The following RGS6 variants were observed in gnomAD, a reference collection of about 807,000 sequenced individuals.
RGS6 encodes regulator of G protein signaling 6, also known as regulator of G-protein signaling 6.
In RGS6, 30 loss-of-function variants were observed where a neutral mutation model predicts 78.5. The ratio of observed to expected loss-of-function variants is 0.38; its 90% CI spans 0.29 to 0.52. The LOEUF (loss-of-function observed/expected upper bound fraction) is 0.52, where lower values mean the gene tolerates loss of function less well. RGS6 is among the 20% of genes least tolerant of loss of function. RGS6 has a pLI of 0.85. For missense variants in RGS6, 495 were observed against 609.7 expected (o/e 0.81, Z 1.98); for synonymous variants, 206 against 206.0 (o/e 1.00, Z 0.00).
the RGS6 span, among the ~76,000 whole-genome samples, chr14:72,626,363 C>A: frequency 1.3e-5 from 2 of 152,114 alleles, no homozygotes; most frequent in Admixed American, 6.5e-5. Context: ...TCTTATATTT[C>A]TTTTACACAA....
intron 15 of RGS6, among the ~76,000 whole-genome samples, chr14:72,522,436 C>A (rs1440214025): frequency 8.5e-5 from 13 of 152,208 alleles, no homozygotes; most frequent in Non-Finnish European, 2.9e-5. Context: ...GATCCTGTAA[C>A]CTGCCTTTTA....
intron 2 of RGS6, among the ~76,000 whole-genome samples, chr14:72,062,283 A>T (rs1169077962): frequency 6.6e-6 from 1 of 152,232 alleles, no homozygotes. Context: ...CAAAGAGACC[A>T]GTGTGGCTGG....
intron 3 of RGS6, among the ~76,000 whole-genome samples, chr14:72,436,292 G>A (rs2094911300): frequency 6.6e-6 from 1 of 151,752 alleles, no homozygotes; most frequent in Non-Finnish European, 1.5e-5. Flanking sequence ...CATACAGCTG[G>A]ACCTAATCTC....
intron 1 of RGS6, among the ~76,000 whole-genome samples, chr14:71,951,178 C>T (rs1448056487): frequency 6.6e-6 from 1 of 152,010 alleles, no homozygotes; most frequent in Non-Finnish European, 1.5e-5. Context: ...CAATAATAGA[C>T]TGGATAAAGA....
chr14:72,524,700 A>G (rs745839657), intron 15 of RGS6, among the ~76,000 whole-genome samples: 1 of 152,208 alleles, frequency 6.6e-6, no homozygotes, highest in Non-Finnish European at 1.5e-5. Flanking sequence ...TGCAGAGGGA[A>G]ATAACATGAG....
chr14:72,247,196 G>A (rs2054450459), intron 2 of RGS6, among the ~76,000 whole-genome samples: 2 of 152,146 alleles, frequency 1.3e-5, no homozygotes, highest in Admixed American at 1.3e-4. Context: ...AGCAAGTGAT[G>A]GTATGCCAGC....
At chr14:72,029,886 G>A (rs1009875062) in intron 2 of RGS6, among the ~76,000 whole-genome samples, 1 of 152,120 alleles carries the variant, frequency 6.6e-6, no homozygotes, top group Non-Finnish European at 1.5e-5. Context: ...TTAATAAGTA[G>A]TGATGGAATT....
chr14:72,088,342 T>G (rs1484718769), intron 2 of RGS6, among the ~76,000 whole-genome samples: 2 of 152,220 alleles, frequency 1.3e-5, no homozygotes, highest in Non-Finnish European at 2.9e-5. Context: ...TCTGTGTGAC[T>G]GGTTCCTGGA....
At chr14:72,238,109 A>G (rs847273) in intron 2 of RGS6, among the ~76,000 whole-genome samples, 50,615 of 152,002 alleles carry the variant, frequency 0.33, 9,284 homozygotes, top group South Asian at 0.46. Context: ...AAGGTGCTCT[A>G]TCTCTGAAGC....
chr14:71,989,605 T>G (rs2283426), intron 2 of RGS6, among the ~76,000 whole-genome samples: 68,283 of 152,042 alleles, frequency 0.45, 15,720 homozygotes, highest in East Asian at 0.54. Context: ...CTCAACCAGC[T>G]TTTAGTGGCA....
intron 2 of RGS6, among the ~76,000 whole-genome samples, chr14:72,248,663 A>G (rs2054852962): frequency 6.6e-6 from 1 of 152,206 alleles, no homozygotes; most frequent in African/African-American, 2.4e-5. Context: ...ATGTGCTGCA[A>G]CTGAATCCAG....
At chr14:71,968,261 CA>C (rs2093630919) in intron 2 of RGS6, among the ~76,000 whole-genome samples, 1 of 152,112 alleles carries the variant, frequency 6.6e-6, no homozygotes, top group Admixed American at 6.6e-5. Context: ...ACCCCCTCCA[CA>C]AGGTATTTCT....
intron 2 of RGS6, among the ~76,000 whole-genome samples, chr14:72,315,156 C>CG (rs2069771536): frequency 7.2e-3 from 1 of 138 alleles, no homozygotes; most frequent in Non-Finnish European, 0.013. Context: ...TAAATATCAG[C>CG]TGAGAGATTA....
intron 4 of RGS6, among the ~76,000 whole-genome samples, chr14:72,455,152 T>TGG (rs5809573): frequency 1.5e-3 from 223 of 151,632 alleles, no homozygotes; most frequent in East Asian, 3.3e-3. Context: ...AATTAGGAAA[T>TGG]GGGGGGGGTG....
chr14:71,970,311 A>C (rs548384312), intron 2 of RGS6, among the ~76,000 whole-genome samples: 1 of 152,052 alleles, frequency 6.6e-6, no homozygotes, highest in Non-Finnish European at 1.5e-5. Flanking sequence ...GGCTTCCTTC[A>C]CCTATTCATT....
At chr14:72,313,911 T>G (rs1359459001) in intron 2 of RGS6, among the ~76,000 whole-genome samples, 1 of 152,200 alleles carries the variant, frequency 6.6e-6, no homozygotes, top group Non-Finnish European at 1.5e-5. Flanking sequence ...ATCACCTCAT[T>G]TACTTTTCCC....
intron 2 of RGS6, among the ~76,000 whole-genome samples, chr14:72,208,094 C>T (rs760033524): frequency 9.2e-5 from 14 of 152,216 alleles, no homozygotes; most frequent in Non-Finnish European, 1.5e-4. Flanking sequence ...ATCAGTAAAT[C>T]TCATCCTTCT....
At chr14:71,928,974 GT>G (rs1323811294), upstream of RGS6, among the ~76,000 whole-genome samples, 2 of 152,158 alleles carry the variant, frequency 1.3e-5, no homozygotes, top group East Asian at 1.9e-4. Flanking sequence ...TTTAATGTAT[GT>G]TTTTTAACCT....
intron 2 of RGS6, among the ~76,000 whole-genome samples, chr14:72,085,695 A>C (rs2095001885): frequency 6.6e-6 from 1 of 152,000 alleles, no homozygotes. Flanking sequence ...CTCTACTAAA[A>C]ATACAAAAAT....
Sources: allele counts gnomAD v4.1 joint callset (sites outside exome capture counted in the v4.1 genomes callset), GRCh38; gene constraint gnomAD v4.1.1; transcripts MANE v1.5; gene names NCBI Gene and HGNC (gene_info 2026-07-23, HGNC 2026-07-21).